PARVB: variants seen among roughly 807,000 people sequenced by gnomAD.
PARVB encodes parvin beta, also known as beta-parvin.
A neutral mutation model predicts 47.0 loss-of-function variants in PARVB; 46 were observed. The ratio of observed to expected loss-of-function variants is 0.98; its 90% confidence interval spans 0.77 to 1.25. The LOEUF (loss-of-function observed/expected upper bound fraction) is 1.25, where lower values mean the gene tolerates loss of function less well. PARVB is among the 50% of genes most tolerant of loss of function. The probability of loss-of-function intolerance (pLI) is 0.00; values close to 1 mark genes in which losing one functional copy is unlikely to be tolerated. For missense variants in PARVB, 473 were observed against 471.6 expected, an observed-to-expected ratio of 1.00 and a Z score of -0.03; for synonymous variants, 196 against 196.3, an observed-to-expected ratio of 1.00 and a Z score of 0.01.
chr22:44,136,492 C>T lies in PARVB; in HGVS notation c.666C>T (p.Ile222=). The change falls in exon 7 of 13, where the codon ATC becomes ATT. Residue 222 remains isoleucine, a synonymous_variant. Coordinates refer to ENST00000338758, the MANE Select transcript of PARVB (RefSeq NM_013327.5). The stretch of plus-strand genomic sequence containing the variant: ...AAGGCCTGCTGCATTCCAGCCACAT[C>T]TCGGAGGAGCTGACCACAACTACAG... ...KREGLLHSSH[I]SEELTTTTEM... is the part of the protein sequence containing the mutation. 1 of 1,614,136 alleles carries T rather than the reference C, an allele frequency of 6.2e-7. No homozygotes were observed. The highest frequency in any genetic ancestry group is 1.1e-5 in the South Asian group (1 of 91,078).
At chr22:44,008,444 T>C (rs1375704038) in intron 2 of PARVB, among the ~76,000 whole-genome samples, 1 of 152,164 alleles carries the variant, frequency 6.6e-6, no homozygotes. Context: ...TGAATATACC[T>C]GGATGCCTAC....
At chr22:44,122,478 C>A (rs1351553629) in intron 4 of PARVB, among the ~76,000 whole-genome samples, 1 of 116,602 alleles carries the variant, frequency 8.6e-6, no homozygotes, top group African/African-American at 3.1e-5. Flanking sequence ...AGAGTGAGAC[C>A]CTGTCGATCA....
chr22:44,057,144 C>T (rs946781775), intron 1 of PARVB, among the ~76,000 whole-genome samples: 1 of 151,724 alleles, frequency 6.6e-6, no homozygotes, highest in Non-Finnish European at 1.5e-5. Flanking sequence ...AGTTTAGAAG[C>T]GTGTCGTTCC....
At chr22:44,140,434 G>A in intron 8 of PARVB, 1 of 706,074 alleles carries the variant, frequency 1.4e-6, no homozygotes, top group Admixed American at 1.8e-5. Context: ...GGCTGGAACT[G>A]TCAGGGGCTG....
chr22:44,166,773 G>C (rs1211606630), intron 12 of PARVB, among the ~76,000 whole-genome samples: 1 of 152,248 alleles, frequency 6.6e-6, no homozygotes, highest in East Asian at 1.9e-4. Context: ...GGTCCCTGCT[G>C]GGCCTCTTTA....
At chr22:43,999,494 C>G (rs2050388970) in intron 1 of PARVB, 2 of 1,552,002 alleles carry the variant, frequency 1.3e-6, no homozygotes, top group South Asian at 2.2e-5. Context: ...TCTTGAGAAA[C>G]TGGATCCGAC....
chr22:44,146,696 G>T (rs144237232), intron 8 of PARVB: 4 of 152,522 alleles, frequency 2.6e-5, no homozygotes, highest in African/African-American at 9.6e-5. Flanking sequence ...TCTCTCCTAG[G>T]CCAGGGCGGT....
chr22:44,079,006 C>T (rs1371877914), intron 1 of PARVB, among the ~76,000 whole-genome samples: 2 of 152,178 alleles, frequency 1.3e-5, no homozygotes, highest in African/African-American at 2.4e-5. Flanking sequence ...GGATAACAGG[C>T]GTGAGCCACC....
intron 12 of PARVB, among the ~76,000 whole-genome samples, chr22:44,167,205 G>A (rs530823781): frequency 2.6e-5 from 4 of 152,234 alleles, no homozygotes; most frequent in Non-Finnish European, 4.4e-5. Flanking sequence ...CCTTGCCTGG[G>A]AGAAAGGCTT....
At chr22:44,082,689 C>A (rs1043530798) in intron 1 of PARVB, among the ~76,000 whole-genome samples, 6 of 152,146 alleles carry the variant, frequency 3.9e-5, no homozygotes, top group Non-Finnish European at 8.8e-5. Flanking sequence ...GTTAGACGGC[C>A]AACCTGACAT....
In PARVB at chr22:44,124,572, C is replaced by T. The variant is rs371174549; in HGVS notation, c.376+5432C>T. ...CTGGGGGCTGTCCTGGAGGGTCAGT[C>T]CCACAGACAAGCCCCATCCTGTGGG... On this transcript the variant is annotated intron_variant, in intron 4 of 12. Coordinates refer to ENST00000338758, the MANE Select transcript of PARVB (RefSeq NM_013327.5). 2.4e-3 allele frequency among the ~76,000 whole-genome samples: 357 copies of T among 146,672 alleles called. 2 individuals are homozygous for T. The highest frequency in any genetic ancestry group is 9.1e-3 in the African/African-American group (338 of 37,076).
intron 4 of PARVB, among the ~76,000 whole-genome samples, chr22:44,123,883 G>A (rs2147139624): frequency 6.6e-6 from 1 of 152,390 alleles, no homozygotes. Flanking sequence ...GCTGCCTGCT[G>A]AAATTACGTG....
At position 44,055,347 on chromosome 22, in the gene PARVB, CT is replaced by C. The variant is rs1051208654; in HGVS notation, c.112+30907del. ...GGGAGATATGTAGCTCTCTCTGTCTCTTTTTTTTTTTGAGACAGAGTCTCAC... is the reference window on the plus strand; with the variant it reads ...GGGAGATATGTAGCTCTCTCTGTCTCTTTTTTTTTTGAGACAGAGTCTCAC... On this transcript the variant is annotated intron_variant, in intron 1 of 12. Transcript: ENST00000338758. Among the ~76,000 whole-genome samples the C allele has an allele frequency of 4.2e-3, 617 of 146,310 alleles. 3 individuals carry two copies. Among genetic ancestry groups the C allele is most frequent in the African/African-American group, 0.014 (545 of 40,196 alleles).
chr22:44,072,517 C>A (rs576775652), intron 1 of PARVB, among the ~76,000 whole-genome samples: 1 of 152,094 alleles, frequency 6.6e-6, no homozygotes, highest in African/African-American at 2.4e-5. Flanking sequence ...CTCATCTCAC[C>A]GCAACCTCCA....
At chr22:44,127,493 C>T (rs1183536570) in intron 4 of PARVB, among the ~76,000 whole-genome samples, 4 of 152,132 alleles carry the variant, frequency 2.6e-5, no homozygotes. Context: ...GGCAGAAGCC[C>T]AAACCAAATA....
At chr22:44,124,336 A>G (rs920437482) in intron 4 of PARVB, among the ~76,000 whole-genome samples, 2 of 152,338 alleles carry the variant, frequency 1.3e-5, no homozygotes, top group East Asian at 1.9e-4. Flanking sequence ...GTGGGATAGC[A>G]TACCTCTTAA....
intron 1 of PARVB, among the ~76,000 whole-genome samples, chr22:44,091,295 T>C (rs574338500): frequency 7.1e-6 from 1 of 141,794 alleles, no homozygotes; most frequent in African/African-American, 2.7e-5. Context: ...TTTTTTTTTT[T>C]GCTATTTAAA....
intron 7 of PARVB, among the ~76,000 whole-genome samples, chr22:44,137,330 G>C (rs2053459153): frequency 6.6e-6 from 1 of 152,204 alleles, no homozygotes; most frequent in Non-Finnish European, 1.5e-5. Flanking sequence ...CTCCCAGTCT[G>C]CCCCAGGCCC....
At chr22:44,090,955 C>T (rs904885713) in intron 1 of PARVB, among the ~76,000 whole-genome samples, 1 of 152,198 alleles carries the variant, frequency 6.6e-6, no homozygotes, top group African/African-American at 2.4e-5. Flanking sequence ...CTCTTTGTAA[C>T]TCGTCATGTG....
Sources: allele counts gnomAD v4.1 joint callset (sites outside exome capture counted in the v4.1 genomes callset), GRCh38; gene constraint gnomAD v4.1.1; transcripts MANE v1.5; gene names NCBI Gene and HGNC (gene_info 2026-07-23, HGNC 2026-07-21).